The following PTPN3 variants were observed in gnomAD, a reference collection of about 807,000 sequenced individuals.
The protein encoded by PTPN3 is tyrosine-protein phosphatase non-receptor type 3.
PTPN3 carries 96 observed loss-of-function variants against 132.7 expected under a neutral mutation model. That is an observed-to-expected ratio of 0.72 (90% CI 0.61 to 0.86). The LOEUF (loss-of-function observed/expected upper bound fraction) is 0.86. Among genes scored for constraint, PTPN3 ranks in the 40% least tolerant of loss-of-function variants. The pLI is 0.00. For missense variants in PTPN3, 1,125 were observed against 1,159.6 expected (o/e 0.97, Z 0.43); for synonymous variants, 398 against 429.0 (o/e 0.93, Z 0.89).
chr9:109,383,817 G>A (rs989369473), intron 22 of PTPN3, among the ~76,000 whole-genome samples: 1 of 152,094 alleles, frequency 6.6e-6, no homozygotes, highest in Non-Finnish European at 1.5e-5. Flanking sequence ...GGGGCCACTC[G>A]CTGGAAGAGC....
chr9:109,493,611 C>A (rs1410472448), intron 1 of PTPN3, among the ~76,000 whole-genome samples: 6 of 152,232 alleles, frequency 3.9e-5, no homozygotes, highest in African/African-American at 1.4e-4. Flanking sequence ...TATCCAAACA[C>A]TTCTCAGGCC....
rs377151205 is a variant in PTPN3 at position 109,477,221 on chromosome 9, A to G, written c.-17-13770T>C. On this transcript the variant is annotated intron_variant, in intron 1 of 25. Transcript: ENST00000374541. Reference sequence around the variant, plus strand: ...TTAGTCACTATTGTCTCTGTAACTTACTAAATAAGGTATGTTCTTACCCTT... The same window carrying G: ...TTAGTCACTATTGTCTCTGTAACTTGCTAAATAAGGTATGTTCTTACCCTT... 1.1e-4 allele frequency among the ~76,000 whole-genome samples: 17 copies of G among 152,308 alleles called. No individual in the cohort carries two copies. The East Asian group carries it at 1.5e-3, about 14-fold the overall frequency.
chr9:109,477,402 T>G (rs890820078), intron 1 of PTPN3, among the ~76,000 whole-genome samples: 1 of 152,224 alleles, frequency 6.6e-6, no homozygotes, highest in African/African-American at 2.4e-5. Flanking sequence ...ATATTACCTC[T>G]GCTCTAAGAT....
At chr9:109,428,543 GCAA>G in intron 11 of PTPN3, 75 bp downstream of exon 11, 1 of 1,471,152 alleles carries the variant, frequency 6.8e-7, no homozygotes. Context: ...CTCAGTTTGG[GCAA>G]CATAGCGAGA....
chr9:109,520,823 C>T, the PTPN3 span, among the ~76,000 whole-genome samples: 4 of 152,162 alleles, frequency 2.6e-5, no homozygotes, highest in Non-Finnish European at 4.4e-5. Context: ...AGCAAAGACT[C>T]GAAAGTCCTG....
intron 1 of PTPN3, among the ~76,000 whole-genome samples, chr9:109,473,367 G>C (rs980407583): frequency 5.3e-5 from 8 of 152,132 alleles, no homozygotes; most frequent in Non-Finnish European, 8.8e-5. Context: ...CTTTTCATAC[G>C]ACTTCAAAAT....
intron 6 of PTPN3, 44 bp from the exon 7 acceptor site, chr9:109,445,336 A>G: frequency 6.6e-7 from 1 of 1,505,332 alleles, no homozygotes; most frequent in Admixed American, 1.7e-5. Context: ...AGAACCAACA[A>G]CAGCCTTAAA....
chr9:109,382,299 T>C lies in PTPN3; in HGVS notation c.2528+3A>G, dbSNP rs745384048. On this transcript the variant is annotated splice_donor_region_variant and intron_variant, in intron 24 of 25. Coordinates refer to ENST00000374541, the MANE Select transcript of PTPN3 (RefSeq NM_002829.4). ...AAACCTAACAAAACAGCAAGCGCCA[T>C]ACCTGCAGTGAACTAGGACGGGCTC... is the stretch of plus-strand genomic sequence containing the variant. 20 of 1,613,628 alleles carry C rather than the reference T, an allele frequency of 1.2e-5. No homozygotes were observed. The highest frequency in any genetic ancestry group is 5.9e-6 in the Non-Finnish European group (7 of 1,179,766).
At chr9:109,419,856 G>A (rs947510679) in intron 14 of PTPN3, among the ~76,000 whole-genome samples, 16 of 151,680 alleles carry the variant, frequency 1.1e-4, no homozygotes, top group African/African-American at 3.9e-4. Flanking sequence ...ACTCTGTCAC[G>A]TTAAAAAAGC....
chr9:109,425,204 C>CCA (rs1564426750), intron 12 of PTPN3, among the ~76,000 whole-genome samples: 1 of 152,130 alleles, frequency 6.6e-6, no homozygotes, highest in Non-Finnish European at 1.5e-5. Context: ...GCATTTAGCA[C>CCA]CACAAATAGT....
intron 9 of PTPN3, among the ~76,000 whole-genome samples, chr9:109,433,500 C>T (rs532331024): frequency 5.3e-5 from 8 of 152,310 alleles, no homozygotes; most frequent in Non-Finnish European, 1.2e-4. Context: ...GGCCTCACCC[C>T]TTTGCAAAGC....
intron 1 of PTPN3, among the ~76,000 whole-genome samples, chr9:109,470,681 G>A (rs189949288): frequency 7.1e-6 from 1 of 140,256 alleles, no homozygotes; most frequent in Non-Finnish European, 1.5e-5. Context: ...GGGCAACAGA[G>A]CGAGACCTCA....
intron 18 of PTPN3, 146 bp downstream of exon 18, chr9:109,406,316 C>A (rs1307527974): frequency 2.7e-6 from 3 of 1,120,864 alleles, no homozygotes; most frequent in African/African-American, 1.6e-5. Context: ...AAGTGAGAAG[C>A]CAAACATTCG....
intron 11 of PTPN3, among the ~76,000 whole-genome samples, chr9:109,428,390 T>C (rs1471622954): frequency 1.3e-5 from 2 of 152,172 alleles, no homozygotes; most frequent in Non-Finnish European, 2.9e-5. Flanking sequence ...TGCTCTTTCT[T>C]CCCTGATACA....
the PTPN3 span, among the ~76,000 whole-genome samples, chr9:109,523,394 A>T: frequency 1.3e-5 from 2 of 152,170 alleles, no homozygotes; most frequent in Admixed American, 6.5e-5. Context: ...GATTACAGGC[A>T]TGAGCCACTG....
At position 109,379,474 on chromosome 9, in the gene PTPN3, C is replaced by T; in HGVS notation, c.*82G>A. The T allele has an allele frequency of 7.5e-7, 1 of 1,329,548 alleles. No homozygotes were observed. 82.4% of individuals were successfully genotyped at this position (1,329,548 alleles called of 1,614,324 possible). ...TCCTTTCCCACAGCTACTGGTTCCT[C>T]TTGCTGCTTCCAGAGAGGTCTGTCC... On this transcript the variant is annotated 3_prime_UTR_variant, in exon 26 of 26. Coordinates refer to ENST00000374541, the MANE Select transcript of PTPN3 (RefSeq NM_002829.4).
At position 109,391,872 on chromosome 9, in the gene PTPN3, G is replaced by C. The variant is rs976294207; in HGVS notation, c.1954-311C>G. Among the ~76,000 whole-genome samples the C allele has an allele frequency of 5.6e-5, 5 of 89,484 alleles. 1 individual carries two copies. Among genetic ancestry groups the C allele is most frequent in the Admixed American group, 1.1e-4 (1 of 9,434 alleles). 58.7% of individuals were successfully genotyped at this position (89,484 alleles called of 152,430 possible). ...CAAGAGCTAAAAGCAACTAGATGTGGGGGGGGGGGGGAAGAATTCTGGCTC... is the reference window on the plus strand; with the variant it reads ...CAAGAGCTAAAAGCAACTAGATGTGCGGGGGGGGGGGAAGAATTCTGGCTC... On this transcript the variant is annotated intron_variant, in intron 19 of 25. Transcript: ENST00000374541.
chr9:109,449,457 G>C (rs770306429), intron 5 of PTPN3: 4 of 985,512 alleles, frequency 4.1e-6, no homozygotes, highest in Non-Finnish European at 4.8e-6. Flanking sequence ...GCTGAATTCT[G>C]CACTCATCTC....
rs867749020 is a variant in PTPN3, at chr9:109,413,438, G to A, written c.1314-3023C>T. ...AGGACATCAAATGAGGAGATGCAAT[G>A]AGTAAGTGGCAGCTGGCCACAGCAC... On this transcript the variant is annotated intron_variant, in intron 14 of 25. Coordinates refer to ENST00000374541, the MANE Select transcript of PTPN3 (RefSeq NM_002829.4). 6.6e-5 allele frequency among the ~76,000 whole-genome samples: 10 copies of A among 152,348 alleles called. No individual in the cohort carries two copies. The Middle Eastern group carries it at 0.01, about 155-fold the overall frequency.
Sources: gnomAD v4.1 joint callset for allele counts (sites outside exome capture counted in the v4.1 genomes callset) on GRCh38, gnomAD v4.1.1 for gene constraint, MANE v1.5 for transcripts, NCBI Gene and HGNC (gene_info 2026-07-23, HGNC 2026-07-21) for gene names.